Variants in SHROOM3 observed in about 807,000 individuals in gnomAD.
The protein encoded by SHROOM3 is shroom family member 3.
SHROOM3 carries 47 observed loss-of-function variants against 138.6 expected under a neutral mutation model. That is an observed-to-expected ratio of 0.34 (90% CI 0.27 to 0.43). SHROOM3 has a LOEUF of 0.43. Ranked by LOEUF, SHROOM3 falls within the 20% of genes least tolerant of loss-of-function variation. The pLI is 1.00. For synonymous variants in SHROOM3, 1,062 were observed against 1,063.3 expected (o/e 1.00, Z 0.02); for missense variants, 2,491 against 2,596.5 (o/e 0.96, Z 0.88).
intron 2 of SHROOM3, among the ~76,000 whole-genome samples, chr4:76,687,764 G>T (rs1435019130): frequency 1.3e-5 from 2 of 152,230 alleles, no homozygotes; most frequent in Non-Finnish European, 2.9e-5. Context: ...TAACATCCAT[G>T]CTGTGTGGGA....
chr4:76,485,485 A>T (rs949945842), intron 1 of SHROOM3, among the ~76,000 whole-genome samples: 2 of 152,200 alleles, frequency 1.3e-5, no homozygotes, highest in African/African-American at 4.8e-5. Context: ...TGCATATGAT[A>T]TGTTCATTCA....
chr4:76,562,125 T>TC (rs1190703662), intron 2 of SHROOM3, among the ~76,000 whole-genome samples: 1 of 152,198 alleles, frequency 6.6e-6, no homozygotes, highest in Non-Finnish European at 1.5e-5. Context: ...ACCTTGAACT[T>TC]CCTTTGGGAA....
At position 76,741,577 on chromosome 4, in the gene SHROOM3, C is replaced by G. The variant is rs767247127; in HGVS notation, c.3404C>G (p.Ser1135Trp). 1 of 1,542,390 alleles carries G rather than the reference C, an allele frequency of 6.5e-7. No homozygotes were observed. The highest frequency in any genetic ancestry group is 8.7e-7 in the Non-Finnish European group (1 of 1,150,170). The change falls in exon 5 of 11, where the codon TCG becomes TGG. Residue 1135 changes from serine (S) to tryptophan (W), a missense_variant. By Grantham distance (177) the Ser-to-Trp change is radical. Coordinates refer to ENST00000296043, the MANE Select transcript of SHROOM3 (RefSeq NM_020859.4). The surrounding 1 kb of genome is among the most constrained non-coding windows in gnomAD (Gnocchi z 6.2). The part of the protein sequence containing the change: ...PAALEGSGLA[S>W]ASSLSSLREP... Reference sequence around the variant, plus strand: ...GCGCTCGAAGGCTCCGGCCTCGCCTCGGCCTCCAGCTTGAGCTCACTGCGG... The same window carrying G: ...GCGCTCGAAGGCTCCGGCCTCGCCTGGGCCTCCAGCTTGAGCTCACTGCGG...
intron 9 of SHROOM3, among the ~76,000 whole-genome samples, chr4:76,766,621 A>G (rs1722164504): frequency 6.6e-6 from 1 of 152,172 alleles, no homozygotes; most frequent in Admixed American, 6.5e-5. Flanking sequence ...TCCCCCGGTG[A>G]GTTATTCTGG....
chr4:76,630,000 G>A (rs1056100310), intron 2 of SHROOM3, among the ~76,000 whole-genome samples: 1 of 152,146 alleles, frequency 6.6e-6, no homozygotes, highest in African/African-American at 2.4e-5. Context: ...GTCTCAAGAA[G>A]TTGCAGCCAA....
At chr4:76,759,483 G>A (rs1197661679) in intron 8 of SHROOM3, 62 bp from the exon 9 acceptor site, 1 of 1,601,894 alleles carries the variant, frequency 6.2e-7, no homozygotes, top group Admixed American at 1.7e-5. Context: ...ACTGACATCT[G>A]CAGTGAAACA....
At chr4:76,444,298 A>G (rs940542797) in intron 1 of SHROOM3, among the ~76,000 whole-genome samples, 1 of 150,502 alleles carries the variant, frequency 6.6e-6, no homozygotes, top group East Asian at 1.9e-4. Flanking sequence ...GTATATATGT[A>G]TATATATATT....
intron 1 of SHROOM3, among the ~76,000 whole-genome samples, chr4:76,479,510 T>G (rs1338929839): frequency 6.6e-6 from 1 of 152,074 alleles, no homozygotes; most frequent in East Asian, 1.9e-4. Flanking sequence ...ATTTGATTGG[T>G]GTACCTGAAA....
chr4:76,687,853 C>T (rs1490336221), intron 2 of SHROOM3, among the ~76,000 whole-genome samples: 3 of 152,140 alleles, frequency 2.0e-5, no homozygotes, highest in African/African-American at 7.2e-5. Context: ...GGATCTGTTC[C>T]ACCCTTATGA....
In SHROOM3 at chr4:76,608,663, T is replaced by TAGCATAGCACAGCACAGCAC. The variant is rs1560563360; in HGVS notation, c.323+52904_323+52905insTAGCACAGCACAGCACAGCA. On this transcript the variant is annotated intron_variant, in intron 2 of 10. Transcript: ENST00000296043. ...TAGCATAGCATAGCATAGCATAGCA[T>TAGCATAGCACAGCACAGCAC]AGCACAGCATAGCACAGCACAGCAC... is the stretch of plus-strand genomic sequence containing the variant. 1.6e-4 allele frequency among the ~76,000 whole-genome samples: 5 copies of TAGCATAGCACAGCACAGCAC among 31,384 alleles called. 1 individual carries two copies. Among genetic ancestry groups the TAGCATAGCACAGCACAGCAC allele is most frequent in the African/African-American group, 2.9e-4 (5 of 17,448 alleles). The allele number at this position is 31,384 out of a possible 152,430, so 20.6% of individuals were successfully genotyped here. A position where few individuals can be genotyped will look rare whatever the true frequency, so the allele number is the denominator to read the frequency against.
rs1733700459 is a variant in SHROOM3, at chr4:76,565,319, T to A, written c.323+9556T>A. 2.6e-5 allele frequency among the ~76,000 whole-genome samples: 4 copies of A among 152,092 alleles called. 1 individual carries two copies. Among genetic ancestry groups the A allele is most frequent in the Admixed American group, 2.6e-4 (4 of 15,266 alleles). Reference sequence around the variant, plus strand: ...GCTAGGACAGGTAAGTTTGGATGAGTCCCATTTAGAAGATGAACCAAATAT... The same window carrying A: ...GCTAGGACAGGTAAGTTTGGATGAGACCCATTTAGAAGATGAACCAAATAT... On this transcript the variant is annotated intron_variant, in intron 2 of 10. Transcript: ENST00000296043.
rs775241186 is a variant in SHROOM3 at position 76,740,474 on chromosome 4, G to C, written c.2301G>C (p.Ser767=). Residue 767 remains serine, a synonymous_variant, in exon 5 of 11, where the codon TCG becomes TCC. Transcript: ENST00000296043. This position sits in a 1 kb window ranked among gnomAD's most constrained non-coding sequence, Gnocchi z 4.0. ...GRRGPGPGSA[S]ALQGFQYGKP... is the part of the protein sequence containing the mutation. ...GGGGGCCCGGCCCAGGCAGCGCCTC[G>C]GCTCTTCAGGGCTTTCAGTACGGGA... is the stretch of plus-strand genomic sequence containing the variant. The C allele has an allele frequency of 6.2e-7, 1 of 1,611,762 alleles. No individual in the cohort carries two copies. Among genetic ancestry groups the C allele is most frequent in the Non-Finnish European group, 8.5e-7 (1 of 1,178,634 alleles).
chr4:76,537,866 T>C (rs753965136), intron 1 of SHROOM3, among the ~76,000 whole-genome samples: 4 of 152,184 alleles, frequency 2.6e-5, no homozygotes, highest in Non-Finnish European at 5.9e-5. Context: ...GTGATGGTTC[T>C]ACAACTCTGT....
chr4:76,716,546 G>T, intron 3 of SHROOM3: 1 of 409,516 alleles, frequency 2.4e-6, no homozygotes, highest in Non-Finnish European at 4.8e-6. Flanking sequence ...TGCCTGTTAG[G>T]TTTAAACCTG....
At chr4:76,539,418 G>A (rs1341667704) in intron 1 of SHROOM3, among the ~76,000 whole-genome samples, 1 of 152,140 alleles carries the variant, frequency 6.6e-6, no homozygotes, top group Non-Finnish European at 1.5e-5. Flanking sequence ...ACTTTAGTGT[G>A]CCATGTTATG....
At chr4:76,642,694 A>G (rs1272403370) in intron 2 of SHROOM3, among the ~76,000 whole-genome samples, 1 of 152,206 alleles carries the variant, frequency 6.6e-6, no homozygotes, top group Admixed American at 6.5e-5. Flanking sequence ...GGAAAATTCA[A>G]AAGAACTGAA....
At chr4:76,582,252 A>G (rs1734066168) in intron 2 of SHROOM3, among the ~76,000 whole-genome samples, 2 of 152,144 alleles carry the variant, frequency 1.3e-5, no homozygotes, top group African/African-American at 4.8e-5. Context: ...TAAATTTCCT[A>G]AGTTCCTCCT....
chr4:76,682,145 C>G (rs368395171), intron 2 of SHROOM3, among the ~76,000 whole-genome samples: 9 of 152,218 alleles, frequency 5.9e-5, no homozygotes, highest in African/African-American at 1.7e-4. Flanking sequence ...CACATGCATT[C>G]CTTTGTTCTA....
chr4:76,592,920 T>C (rs1302883676), intron 2 of SHROOM3, among the ~76,000 whole-genome samples: 1 of 152,178 alleles, frequency 6.6e-6, no homozygotes, highest in East Asian at 1.9e-4. Context: ...GATTACCTTT[T>C]GAGGCACTTC....
Sources: allele counts gnomAD v4.1 joint callset (sites outside exome capture counted in the v4.1 genomes callset), GRCh38; gene constraint gnomAD v4.1.1; non-coding constraint Gnocchi (gnomAD v3.1); transcripts MANE v1.5; gene names NCBI Gene and HGNC (gene_info 2026-07-23, HGNC 2026-07-21).